Variants in SRRM2 observed in about 807,000 individuals in gnomAD.
SRRM2 encodes serine/arginine repetitive matrix 2.
SRRM2 carries 30 observed loss-of-function variants against 213.8 expected under a neutral mutation model. The ratio of observed to expected loss-of-function variants is 0.14; its 90% CI spans 0.10 to 0.19. The LOEUF (loss-of-function observed/expected upper bound fraction) is 0.19. Among genes scored for constraint, SRRM2 ranks in the 10% least tolerant of loss-of-function variants. The pLI, the probability that SRRM2 is intolerant of heterozygous loss-of-function variation, is 1.00. For missense variants in SRRM2, 4,904 were observed against 3,647.0 expected, an observed-to-expected ratio of 1.34 and a Z score of -8.88; for synonymous variants, 2,025 against 1,377.7, an observed-to-expected ratio of 1.47 and a Z score of -10.40.
At position 2,764,772 on chromosome 16, in the gene SRRM2, C is replaced by T. The variant is rs368213650; in HGVS notation, c.4244C>T (p.Ser1415Leu). 29 of 1,614,130 alleles carry T rather than the reference C, an allele frequency of 1.8e-5. No homozygotes were observed. The highest frequency in any genetic ancestry group is 1.1e-4 in the African/African-American group (8 of 75,006). ...CTTGATGCTGTACCCAGAACACCCTCGAGAGAAAGAAGTAGTTCTGCATCT... is the reference window on the plus strand; with the variant it reads ...CTTGATGCTGTACCCAGAACACCCTTGAGAGAAAGAAGTAGTTCTGCATCT... ...PVLDAVPRTP[S>L]RERSSSASSP... The change falls in exon 11 of 15, where the codon TCG becomes TTG. Residue 1415 changes from serine to leucine, a missense_variant. Transcript: ENST00000301740.
Position 2,766,628 on chromosome 16 carries a change from A to G in SRRM2, c.6100A>G (p.Thr2034Ala). ...TATTCGGCGCCGCTCTAGATCTCGA[A>G]CGCCACTGTTACCACGCAAACGTTC... Reference protein sequence around the residue: ...PAIRRRSRSRTPLLPRKRSRS... With the variant: ...PAIRRRSRSRAPLLPRKRSRS... The change falls in exon 11 of 15, where the codon ACG becomes GCG. Residue 2034 changes from threonine (T) to alanine (A), a missense_variant. Physicochemically the swap from Thr to Ala is moderately conservative, Grantham distance 58. Transcript: ENST00000301740. The surrounding 1 kb of genome is among the most constrained non-coding windows in gnomAD (Gnocchi z 7.0). 1 of 1,613,808 alleles carries G rather than the reference A, an allele frequency of 6.2e-7. No homozygotes were observed. The highest frequency in any genetic ancestry group is 8.5e-7 in the Non-Finnish European group (1 of 1,179,862).
Position 2,756,371 on chromosome 16 carries a change from A to G in SRRM2, c.7A>G (p.Asn3Asp). The G allele has an allele frequency of 6.2e-7, 1 of 1,604,084 alleles. No individual in the cohort carries two copies. The highest frequency in any genetic ancestry group is 8.5e-7 in the Non-Finnish European group (1 of 1,177,090). The change falls in exon 2 of 15, where the codon AAC becomes GAC. Residue 3 changes from asparagine (N) to aspartate (D), a missense_variant. By Grantham distance (23) the Asn-to-Asp change is conservative. Transcript: ENST00000301740. ...CCCCCCCGGGCACGGGGCCATGTAC[A>G]ACGGGATCGGGCTGCCGACGCCCCG... MYNGIGLPTPRGS... is the reference protein window; with the variant it reads MYDGIGLPTPRGS...
chr16:2,761,423 A>G (rs1255378078), intron 10 of SRRM2, 138 bp from the exon 11 acceptor site: 10 of 611,980 alleles, frequency 1.6e-5, no homozygotes, highest in Non-Finnish European at 2.6e-5. Context: ...ATTCCTTGTT[A>G]TTGAATGAAA....
rs1226067840 is a variant in SRRM2 at position 2,764,114 on chromosome 16, C to T, written c.3586C>T (p.Pro1196Ser). Residue 1196 changes from proline to serine, a missense_variant, in exon 11 of 15, where the codon CCT becomes TCT. Physicochemically the swap from Pro to Ser is moderately conservative, Grantham distance 74. Transcript: ENST00000301740. ...KFSPFPVQDR[P>S]ESSLVFKDTL... is the part of the protein sequence containing the mutation. ...TAGTCCCTTTCCAGTACAGGATAGG[C>T]CTGAGTCTTCACTGGTATTCAAAGA... 1.2e-6 allele frequency: 2 copies of T among 1,614,162 alleles called. No homozygotes were observed. Among genetic ancestry groups the T allele is most frequent in the East Asian group, 2.2e-5 (1 of 44,888 alleles).
intron 1 of SRRM2, among the ~76,000 whole-genome samples, chr16:2,754,733 A>G (rs1377144642): frequency 6.6e-6 from 1 of 152,224 alleles, no homozygotes; most frequent in Non-Finnish European, 1.5e-5. Context: ...GGAGAGGCGA[A>G]GAAGGACCTA....
At chr16:2,758,367 A>G (rs963032559) in intron 4 of SRRM2, 103 bp from the exon 5 acceptor site, 5 of 1,117,964 alleles carry the variant, frequency 4.5e-6, no homozygotes, top group Admixed American at 3.8e-5. Flanking sequence ...CGAGACTCTT[A>G]TTTTTTTATT....
Position 2,767,940 on chromosome 16 carries a change from G to A in SRRM2, c.7412G>A (p.Gly2471Glu), listed in dbSNP as rs967559241. Residue 2471 changes from glycine (G) to glutamate (E), a missense_variant, in exon 11 of 15, where the codon GGG becomes GAG. By Grantham distance (98) the Gly-to-Glu change is moderately conservative. Coordinates refer to ENST00000301740, the MANE Select transcript of SRRM2 (RefSeq NM_016333.4). ...ATTGCCCAGACCACCCCTGTAGCAG[G>A]GTCTCAGTCCCTTTCCTCTGGGGCA... ...CLIAQTTPVA[G>E]SQSLSSGAVA... 5.6e-6 allele frequency: 9 copies of A among 1,614,154 alleles called. No individual in the cohort carries two copies. Among genetic ancestry groups the A allele is most frequent in the Non-Finnish European group, 6.8e-6 (8 of 1,180,032 alleles).
rs2068444308 is a variant in SRRM2, at chr16:2,763,732, A to T, written c.3204A>T (p.Arg1068Ser). ...KGQSQTSPDHRSDTSSPEVRQ... is the reference protein window; with the variant it reads ...KGQSQTSPDHSSDTSSPEVRQ... ...AATCTCAAACTTCACCAGACCACAG[A>T]TCTGATACTTCAAGTCCAGAAGTGA... Residue 1068 changes from arginine to serine, a missense_variant, in exon 11 of 15, where the codon AGA becomes AGT. Coordinates refer to ENST00000301740, the MANE Select transcript of SRRM2 (RefSeq NM_016333.4). 3.7e-6 allele frequency: 6 copies of T among 1,614,188 alleles called. No individual in the cohort carries two copies. The highest frequency in any genetic ancestry group is 5.1e-6 in the Non-Finnish European group (6 of 1,180,048).
rs2068361477 is a variant in SRRM2 at position 2,761,824 on chromosome 16, G to A, written c.1296G>A (p.Arg432=). The A allele has an allele frequency of 6.2e-7, 1 of 1,613,656 alleles. No individual in the cohort carries two copies. Among genetic ancestry groups the A allele is most frequent in the African/African-American group, 1.3e-5 (1 of 74,978 alleles). The change falls in exon 11 of 15, where the codon CGG becomes CGA. Residue 432 remains arginine (R), a synonymous_variant. Transcript: ENST00000301740. ...PPSPQPTKVS[R]HASSSPESPK... ...CCCCTCAACCTACCAAAGTTTCTCG[G>A]CATGCCAGCTCTTCCCCAGAAAGTC...
In SRRM2 at chr16:2,752,820, C is replaced by A. The variant is rs1314611670; in HGVS notation, c.-58C>A. On this transcript the variant is annotated 5_prime_UTR_variant, in exon 1 of 15. Coordinates refer to ENST00000301740, the MANE Select transcript of SRRM2 (RefSeq NM_016333.4). ...AGCGGCGGCGGCAAGACCTCTCCCC[C>A]TCGGAGGCGGCGGGCGGAGGCGGCG... 1.3e-5 allele frequency: 4 copies of A among 308,530 alleles called. No individual in the cohort carries two copies. Among genetic ancestry groups the A allele is most frequent in the African/African-American group, 9.2e-5 (4 of 43,484 alleles). The allele number at this position is 308,530 out of a possible 1,614,324, so 19.1% of individuals were successfully genotyped here. A position where few individuals can be genotyped will look rare whatever the true frequency, so the allele number is the denominator to read the frequency against.
rs761619874 is a variant in SRRM2, at chr16:2,771,328, A to G, written c.*461A>G. Reference sequence around the variant, plus strand: ...TGTGAACCCCTCCCCCCAACTTTTCATGTTTCTTAAAGGCATTTTGGTTTT... The same window carrying G: ...TGTGAACCCCTCCCCCCAACTTTTCGTGTTTCTTAAAGGCATTTTGGTTTT... On this transcript the variant is annotated 3_prime_UTR_variant, in exon 15 of 15. Coordinates refer to ENST00000301740, the MANE Select transcript of SRRM2 (RefSeq NM_016333.4). 5 of 1,379,214 alleles carry G rather than the reference A, an allele frequency of 3.6e-6. No individual in the cohort carries two copies. Among genetic ancestry groups the G allele is most frequent in the South Asian group, 3.5e-5 (3 of 85,608 alleles). The allele number at this position is 1,379,214 out of a possible 1,614,324, so 85.4% of individuals were successfully genotyped here.
At chr16:2,759,783 C>T in intron 9 of SRRM2, 122 bp downstream of exon 9, 2 of 803,172 alleles carry the variant, frequency 2.5e-6, no homozygotes, top group Non-Finnish European at 4.0e-6. Flanking sequence ...CGGTCCCTGC[C>T]CTCTAGGAGC....
At chr16:2,755,046 ACT>A (rs1437045300) in intron 1 of SRRM2, among the ~76,000 whole-genome samples, 2 of 151,972 alleles carry the variant, frequency 1.3e-5, no homozygotes, top group African/African-American at 4.8e-5. Flanking sequence ...ATCTTTGATT[ACT>A]CTCTCCGCTT....
rs755835089 is a variant in SRRM2, at chr16:2,771,215, G to A, written c.*348G>A. Reference sequence around the variant, plus strand: ...GAAGTTCCCAGGGGTGATTGTGATGGTGGTTGGGACTGGAGGTTGTATAAG... The same window carrying A: ...GAAGTTCCCAGGGGTGATTGTGATGATGGTTGGGACTGGAGGTTGTATAAG... On this transcript the variant is annotated 3_prime_UTR_variant, in exon 15 of 15. Transcript: ENST00000301740. 113 of 658,864 alleles carry A rather than the reference G, an allele frequency of 1.7e-4. 1 individual carries two copies. The highest frequency in any genetic ancestry group is 2.6e-4 in the Non-Finnish European group (96 of 376,150). 40.8% of individuals were successfully genotyped at this position (658,864 alleles called of 1,614,324 possible).
Position 2,762,466 on chromosome 16 carries a change from GTCACGC to G in SRRM2, c.1941_1946del (p.Ser649_Arg650del). On this transcript the variant is annotated inframe_deletion, in exon 11 of 15. Coordinates refer to ENST00000301740, the MANE Select transcript of SRRM2 (RefSeq NM_016333.4). Reference sequence around the variant, plus strand: ...GATCACCAGCCAGGAGAAGTGGCAGGTCACGCTCTAGAACCCCAGCTAGACGTGGCC... The same window carrying G: ...GATCACCAGCCAGGAGAAGTGGCAGGTCTAGAACCCCAGCTAGACGTGGCC... The G allele has an allele frequency of 6.2e-7, 1 of 1,613,834 alleles. No homozygotes were observed. Among genetic ancestry groups the G allele is most frequent in the South Asian group, 1.1e-5 (1 of 91,052 alleles).
chr16:2,757,541 C>T lies in SRRM2; in HGVS notation c.312C>T (p.Asn104=), dbSNP rs1314494806. The T allele has an allele frequency of 1.9e-6, 3 of 1,614,026 alleles. No homozygotes were observed. The highest frequency in any genetic ancestry group is 2.5e-6 in the Non-Finnish European group (3 of 1,179,988). Residue 104 remains asparagine (N), a synonymous_variant, in exon 3 of 15, where the codon AAC becomes AAT. Coordinates refer to ENST00000301740, the MANE Select transcript of SRRM2 (RefSeq NM_016333.4). ...TCATGTTGCTGGAGAAGGATGTGAA[C>T]CCTGGGGGCAAGGAGGAGACCCCAG... ...FRLMLLEKDV[N]PGGKEETPGQ... is the part of the protein sequence containing the mutation.
rs201876773 is a variant in SRRM2, at chr16:2,762,342, G to T, written c.1814G>T (p.Arg605Leu). ...RSRTPTRRRS[R>L]SRTPARRGRS... ...AGAACTCCCACCAGGCGTAGGTCTC[G>T]GTCTAGAACACCAGCCCGGAGGGGC... is the stretch of plus-strand genomic sequence containing the variant. Residue 605 changes from arginine to leucine, a missense_variant, in exon 11 of 15, where the codon CGG (arginine) becomes CTG (leucine). Physicochemically the swap from Arg to Leu is moderately radical, Grantham distance 102. Transcript: ENST00000301740. 2 of 1,614,024 alleles carry T rather than the reference G, an allele frequency of 1.2e-6. No homozygotes were observed. Among genetic ancestry groups the T allele is most frequent in the Admixed American group, 1.7e-5 (1 of 60,024 alleles).
intron 12 of SRRM2, chr16:2,769,826 C>G: frequency 2.1e-6 from 1 of 465,722 alleles, no homozygotes; most frequent in South Asian, 1.5e-5. Flanking sequence ...CCTGTGTTCT[C>G]CTCCTGCCCG....
rs776773195 is a variant in SRRM2 at position 2,752,748 on chromosome 16, C to G, written c.-130C>G. ...GCGTCGGCTGAGGCGGGCGGACCGG[C>G]GAGGCGAGGCGGCGGCCCCAGGCCC... On this transcript the variant is annotated 5_prime_UTR_variant, in exon 1 of 15. Transcript: ENST00000301740. 2.6e-5 allele frequency: 9 copies of G among 351,936 alleles called. No individual in the cohort carries two copies. The highest frequency in any genetic ancestry group is 2.1e-4 in the Admixed American group (6 of 28,618). The allele number at this position is 351,936 out of a possible 1,614,324, so 21.8% of individuals were successfully genotyped here.
Sources: gnomAD v4.1 joint callset for allele counts (sites outside exome capture counted in the v4.1 genomes callset) on GRCh38, gnomAD v4.1.1 for gene constraint, Gnocchi (gnomAD v3.1) non-coding constraint, MANE v1.5 for transcripts, NCBI Gene and HGNC (gene_info 2026-07-23, HGNC 2026-07-21) for gene names.